RASGEF1A: variants seen among roughly 807,000 people sequenced by gnomAD.
The protein encoded by RASGEF1A is RasGEF domain family member 1A.
Under a neutral mutation model 56.4 loss-of-function variants are expected in RASGEF1A, and 18 were observed. The observed-to-expected ratio is 0.32, with a 90% confidence interval of 0.22 to 0.47. The LOEUF (loss-of-function observed/expected upper bound fraction) is 0.47. RASGEF1A is among the 20% of genes least tolerant of loss of function. The pLI, the probability that RASGEF1A is intolerant of heterozygous loss-of-function variation, is 1.00. For synonymous variants in RASGEF1A, 245 were observed against 242.6 expected (o/e 1.01, Z -0.09); for missense variants, 422 against 627.1 (o/e 0.67, Z 3.49).
intron 2 of RASGEF1A, among the ~76,000 whole-genome samples, chr10:43,204,809 G>T (rs561755593): frequency 1.2e-4 from 18 of 152,280 alleles, no homozygotes; most frequent in African/African-American, 4.3e-4. Context: ...CCTCTGAGAA[G>T]GGTGGCTTCT....
Position 43,199,163 on chromosome 10 carries a change from A to G in RASGEF1A, c.881T>C (p.Leu294Ser), listed in dbSNP as rs1839851067. 1 of 1,613,256 alleles carries G rather than the reference A, an allele frequency of 6.2e-7. No homozygotes were observed. Among genetic ancestry groups the G allele is most frequent in the Non-Finnish European group, 8.5e-7 (1 of 1,179,792 alleles). ...VVKKKHRTRM[L>S]EFFIDVAREC... is the part of the protein sequence containing the mutation. ...CCGGGCCACATCAATGAAGAACTCC[A>G]ACATGCGGGTCCGGTGTTTCTTCTT... Residue 294 changes from leucine to serine, a missense_variant, in exon 8 of 13, where the codon TTG (leucine) becomes TCG (serine). Leu to Ser is a moderately radical substitution (Grantham distance 145). Around this residue, in one of 2 missense-constraint regions of RASGEF1A, gnomAD observed 149 missense variants for 287.2 expected, o/e 0.52. Transcript: ENST00000395810.
intron 1 of RASGEF1A, among the ~76,000 whole-genome samples, chr10:43,251,278 C>A (rs1840625279): frequency 1.3e-5 from 2 of 152,196 alleles, no homozygotes; most frequent in African/African-American, 4.8e-5. Flanking sequence ...TGAAAAGCAC[C>A]CTGTGGGTTC....
intron 1 of RASGEF1A, among the ~76,000 whole-genome samples, chr10:43,259,042 T>G (rs1836478847): frequency 6.6e-6 from 1 of 152,172 alleles, no homozygotes; most frequent in South Asian, 2.1e-4. Context: ...GAGCCCAGAG[T>G]TGACAACATG....
chr10:43,200,532 G>C lies in RASGEF1A; in HGVS notation c.681+135C>G. 3.8e-6 allele frequency: 3 copies of C among 794,618 alleles called. 1 individual carries two copies. The South Asian group carries it at 5.2e-5, about 14-fold the overall frequency. 49.2% of individuals were successfully genotyped at this position (794,618 alleles called of 1,614,324 possible). A position where few individuals can be genotyped will look rare whatever the true frequency, so the allele number is the denominator to read the frequency against. ...CAGACGGACACACATCTGGCATGAA[G>C]TGTGGCAGTCAGGGCTGGCAAGCGC... is the stretch of plus-strand genomic sequence containing the variant. On this transcript the variant is annotated intron_variant, in intron 5 of 12. Coordinates refer to ENST00000395810, the MANE Select transcript of RASGEF1A (RefSeq NM_145313.4).
At chr10:43,201,077 G>A (rs1301722123) in intron 4 of RASGEF1A, among the ~76,000 whole-genome samples, 189 bp from the exon 5 acceptor site, 1 of 152,226 alleles carries the variant, frequency 6.6e-6, no homozygotes, top group Non-Finnish European at 1.5e-5. Context: ...GAGGACTGCT[G>A]AGGAGGGGTC....
chr10:43,202,623 C>T, intron 3 of RASGEF1A: 1 of 467,248 alleles, frequency 2.1e-6, no homozygotes, highest in Non-Finnish European at 4.4e-6. Context: ...ACCAGCCCCA[C>T]TCAGACCGCT....
At chr10:43,229,554 A>C (rs1840332389) in intron 1 of RASGEF1A, 1 of 1,219,232 alleles carries the variant, frequency 8.2e-7, no homozygotes, top group Non-Finnish European at 1.1e-6. Flanking sequence ...GTCGGGATGC[A>C]GGGGACCGTC....
At chr10:43,197,925 C>T (rs944432069) in intron 10 of RASGEF1A, 79 bp downstream of exon 10, 41 of 1,313,520 alleles carry the variant, frequency 3.1e-5, no homozygotes, top group African/African-American at 2.2e-4. Context: ...CCACAGATCC[C>T]GACCCAGGGC....
In RASGEF1A at chr10:43,199,170, G is replaced by A. The variant is rs748884172; in HGVS notation, c.874C>T (p.Arg292Cys). ...CRVVKKKHRT[R>C]MLEFFIDVAR... The stretch of plus-strand genomic sequence containing the variant: ...ACATCAATGAAGAACTCCAACATGC[G>A]GGTCCGGTGTTTCTTCTTCACCACC... The change falls in exon 8 of 13, where the codon CGC (arginine) becomes TGC (cysteine). Residue 292 changes from arginine (R) to cysteine (C), a missense_variant. Arg to Cys is a radical substitution (Grantham distance 180). This residue lies in a region of RASGEF1A where 149 missense variants were observed against 287.2 expected (regional missense o/e 0.52). Transcript: ENST00000395810. 5.0e-6 allele frequency: 8 copies of A among 1,612,256 alleles called. No homozygotes were observed. The highest frequency in any genetic ancestry group is 2.2e-5 in the East Asian group (1 of 44,802).
intron 1 of RASGEF1A, among the ~76,000 whole-genome samples, chr10:43,265,768 G>A (rs376964652): frequency 3.3e-5 from 5 of 152,368 alleles, no homozygotes; most frequent in African/African-American, 1.2e-4. Flanking sequence ...GCCGCTTAGA[G>A]TCCAGGGCAC....
At chr10:43,244,501 T>G (rs1564541609) in intron 1 of RASGEF1A, among the ~76,000 whole-genome samples, 2 of 151,032 alleles carry the variant, frequency 1.3e-5, no homozygotes. Flanking sequence ...GAACACATAC[T>G]CTTCTCAAGT....
intron 1 of RASGEF1A, among the ~76,000 whole-genome samples, chr10:43,241,121 C>T (rs1285171277): frequency 6.6e-6 from 1 of 152,056 alleles, no homozygotes; most frequent in African/African-American, 2.4e-5. Flanking sequence ...AACTTGAAAT[C>T]ATGTGAAAAA....
intron 1 of RASGEF1A, chr10:43,208,066 G>A: frequency 2.0e-6 from 2 of 985,488 alleles, no homozygotes; most frequent in Non-Finnish European, 2.4e-6. Context: ...ACGAAGGCGG[G>A]CTCACAAACC....
chr10:43,250,655 G>A (rs1840618290), intron 1 of RASGEF1A, among the ~76,000 whole-genome samples: 2 of 152,170 alleles, frequency 1.3e-5, no homozygotes, highest in Admixed American at 1.3e-4. Context: ...GGGGGGTCAG[G>A]CACCCTAGAG....
At chr10:43,245,070 A>T (rs1015156723) in intron 1 of RASGEF1A, among the ~76,000 whole-genome samples, 2 of 152,178 alleles carry the variant, frequency 1.3e-5, no homozygotes, top group Non-Finnish European at 2.9e-5. Context: ...TACACTGAAC[A>T]AGAAAAAAAT....
At chr10:43,243,804 C>T (rs1223434454) in intron 1 of RASGEF1A, among the ~76,000 whole-genome samples, 1 of 146,908 alleles carries the variant, frequency 6.8e-6, no homozygotes, top group Non-Finnish European at 1.5e-5. Context: ...GTGAGGAGCA[C>T]CTCTGCCCGG....
chr10:43,220,122 C>T (rs1564534618), intron 1 of RASGEF1A, among the ~76,000 whole-genome samples: 1 of 152,222 alleles, frequency 6.6e-6, no homozygotes, highest in Non-Finnish European at 1.5e-5. Context: ...GCCCTGGGGG[C>T]TGGTAACCGG....
chr10:43,232,389 G>T (rs1840382233), intron 1 of RASGEF1A, among the ~76,000 whole-genome samples: 1 of 152,100 alleles, frequency 6.6e-6, no homozygotes, highest in Middle Eastern at 3.4e-3. Flanking sequence ...GCTCCCTGAG[G>T]CCTTCCCAGA....
At chr10:43,199,893 C>T (rs573524937) in intron 6 of RASGEF1A, 125 bp from the exon 7 acceptor site, 9 of 844,702 alleles carry the variant, frequency 1.1e-5, no homozygotes, top group South Asian at 4.6e-5. Context: ...ATCATGCCTG[C>T]GTGCTCCTTG....
Sources: gnomAD v4.1 joint callset for allele counts (sites outside exome capture counted in the v4.1 genomes callset) on GRCh38, gnomAD v4.1.1 for gene constraint, gnomAD v4.1.1 regional missense constraint, MANE v1.5 for transcripts, NCBI Gene and HGNC (gene_info 2026-07-23, HGNC 2026-07-21) for gene names.